ESR1: variants seen among roughly 807,000 people sequenced by gnomAD.
The protein encoded by ESR1 is estrogen receptor 1.
ESR1 carries 12 observed loss-of-function variants against 52.7 expected under a neutral mutation model. The observed-to-expected ratio is 0.23, with a 90% CI of 0.15 to 0.37. The LOEUF (loss-of-function observed/expected upper bound fraction) is 0.37, where lower values mean the gene tolerates loss of function less well. Among genes scored for constraint, ESR1 ranks in the 10% least tolerant of loss-of-function variants. ESR1 has a pLI of 1.00. For missense variants in ESR1, 584 were observed against 779.7 expected, an observed-to-expected ratio of 0.75 and a Z score of 2.99; for synonymous variants, 305 against 316.8, an observed-to-expected ratio of 0.96 and a Z score of 0.39.
intron 2 of ESR1, among the ~76,000 whole-genome samples, chr6:151,722,785 C>T (rs1160990317): frequency 1.3e-5 from 2 of 152,180 alleles, no homozygotes; most frequent in Non-Finnish European, 2.9e-5. Flanking sequence ...CCAGAAAACG[C>T]CTATAAATGT....
At chr6:151,852,799 TGAGGGCAGCA>T (rs1354399970) in intron 2 of ESR1, among the ~76,000 whole-genome samples, 5 of 152,078 alleles carry the variant, frequency 3.3e-5, no homozygotes, top group African/African-American at 9.7e-5. Context: ...CTATGGAGGC[TGAGGGCAGCA>T]GAGTTTTAGT....
intron 2 of ESR1, among the ~76,000 whole-genome samples, chr6:151,715,244 ACCTT>A (rs992615740): frequency 6.6e-6 from 1 of 152,108 alleles, no homozygotes; most frequent in Non-Finnish European, 1.5e-5. Context: ...GGGTAACACG[ACCTT>A]TCTCTCTGGC....
At chr6:151,680,469 G>T (rs1778416376) in intron 1 of ESR1, among the ~76,000 whole-genome samples, 1 of 152,136 alleles carries the variant, frequency 6.6e-6, no homozygotes, top group Non-Finnish European at 1.5e-5. Context: ...CTCCCAAAAT[G>T]CTGGGGGGTC....
intron 5 of ESR1, among the ~76,000 whole-genome samples, chr6:152,035,418 G>A (rs940657702): frequency 2.0e-5 from 3 of 151,828 alleles, no homozygotes; most frequent in Admixed American, 6.6e-5. Context: ...AACTTCTATT[G>A]GAAGACAGTA....
intron 1 of ESR1, among the ~76,000 whole-genome samples, chr6:151,675,603 A>C (rs1778223848): frequency 6.6e-6 from 1 of 152,132 alleles, no homozygotes; most frequent in Non-Finnish European, 1.5e-5. Flanking sequence ...ACACTTACAT[A>C]GTGTGTTCTA....
chr6:152,052,790 T>A (rs549957653), intron 5 of ESR1, among the ~76,000 whole-genome samples: 1 of 152,122 alleles, frequency 6.6e-6, no homozygotes, highest in Admixed American at 6.5e-5. Flanking sequence ...GCGGTGGTGA[T>A]CCAAGCAGAC....
intron 4 of ESR1, among the ~76,000 whole-genome samples, chr6:151,977,429 A>C (rs1276328276): frequency 1.5e-5 from 2 of 131,184 alleles, no homozygotes; most frequent in African/African-American, 5.7e-5. Context: ...GATGGATGCT[A>C]TCTGTGTAGT....
At chr6:152,052,895 T>C (rs1204164278) in intron 5 of ESR1, among the ~76,000 whole-genome samples, 1 of 152,096 alleles carries the variant, frequency 6.6e-6, no homozygotes, top group African/African-American at 2.4e-5. Flanking sequence ...CTTGAAGAGA[T>C]TGAACAAGGG....
intron 5 of ESR1, among the ~76,000 whole-genome samples, chr6:152,017,740 CTT>C (rs2043274729): frequency 1.3e-5 from 2 of 152,110 alleles, no homozygotes; most frequent in East Asian, 3.9e-4. Context: ...TGTGGGGTCT[CTT>C]TGCTTTCAAA....
intron 3 of ESR1, among the ~76,000 whole-genome samples, chr6:151,917,791 T>C (rs1420421627): frequency 1.3e-5 from 2 of 152,196 alleles, no homozygotes; most frequent in African/African-American, 4.8e-5. Flanking sequence ...GAGCAACAAG[T>C]TGGGAAAGGA....
intron 2 of ESR1, among the ~76,000 whole-genome samples, chr6:151,750,080 A>G (rs557929684): frequency 5.3e-5 from 8 of 152,144 alleles, no homozygotes; most frequent in Non-Finnish European, 8.8e-5. Flanking sequence ...TACATTTCAT[A>G]TTGTGTCATG....
intron 5 of ESR1, among the ~76,000 whole-genome samples, chr6:152,015,562 C>A (rs1183415155): frequency 6.6e-6 from 1 of 152,124 alleles, no homozygotes; most frequent in Non-Finnish European, 1.5e-5. Context: ...TTCCATGATA[C>A]CCAACAAATA....
intron 4 of ESR1, among the ~76,000 whole-genome samples, chr6:151,978,408 T>C (rs1320480292): frequency 6.6e-6 from 1 of 152,056 alleles, no homozygotes; most frequent in African/African-American, 2.4e-5. Context: ...AAATTCTAAC[T>C]GGAGTTAAAG....
rs529330846 is a variant in ESR1 at position 151,973,956 on chromosome 6, G to T, written c.1096+29448G>T. On this transcript the variant is annotated intron_variant, in intron 4 of 7. Transcript: ENST00000206249. ...AAGCAGAGGTTAGTAAACTTTTTCT[G>T]TAAAGGCCAGGTAGTTAGTATTTTA... Among the ~76,000 whole-genome samples the T allele has an allele frequency of 5.9e-5, 9 of 152,236 alleles. No homozygotes were observed. In the South Asian group the frequency reaches 1.5e-3, roughly 25 times the overall value.
chr6:151,826,514 A>G (rs1781534495), intron 1 of ESR1, among the ~76,000 whole-genome samples: 1 of 152,206 alleles, frequency 6.6e-6, no homozygotes, highest in Non-Finnish European at 1.5e-5. Flanking sequence ...TGGATACTTG[A>G]TCCTCAGGCT....
chr6:151,761,409 T>C (rs1033544699), intron 2 of ESR1, among the ~76,000 whole-genome samples: 7 of 152,278 alleles, frequency 4.6e-5, no homozygotes, highest in Non-Finnish European at 8.8e-5. Flanking sequence ...ACCATTTGCA[T>C]AGGAAATTTA....
chr6:152,108,362 A>AT (rs1402479069), intron 6 of ESR1, among the ~76,000 whole-genome samples: 1 of 152,212 alleles, frequency 6.6e-6, no homozygotes, highest in African/African-American at 2.4e-5. Flanking sequence ...AATGCCACAA[A>AT]TCTGCACTGT....
At chr6:151,703,984 T>C (rs1203435548) in intron 2 of ESR1, among the ~76,000 whole-genome samples, 1 of 152,210 alleles carries the variant, frequency 6.6e-6, no homozygotes, top group African/African-American at 2.4e-5. Context: ...AGAATAATTC[T>C]CCTCCATTTT....
chr6:151,997,046 G>A (rs1389536917), intron 4 of ESR1, among the ~76,000 whole-genome samples: 3 of 151,640 alleles, frequency 2.0e-5, no homozygotes, highest in East Asian at 1.9e-4. Context: ...CTGTCCCTAT[G>A]TAAGTAGACT....
Sources: allele counts gnomAD v4.1 joint callset (sites outside exome capture counted in the v4.1 genomes callset), GRCh38; gene constraint gnomAD v4.1.1; transcripts MANE v1.5; gene names NCBI Gene and HGNC (gene_info 2026-07-23, HGNC 2026-07-21).